Variants in PDE8A observed in about 807,000 individuals in gnomAD.
The protein encoded by PDE8A is high affinity cAMP-specific and IBMX-insensitive 3',5'-cyclic phosphodiesterase 8A.
Under a neutral mutation model 105.0 loss-of-function variants are expected in PDE8A, and 59 were observed. That is an observed-to-expected ratio of 0.56 (90% confidence interval 0.46 to 0.70). PDE8A has a LOEUF of 0.70. Among genes scored for constraint, PDE8A ranks in the 30% least tolerant of loss-of-function variants. The probability of loss-of-function intolerance (pLI) is 0.00; values close to 1 mark genes in which losing one functional copy is unlikely to be tolerated. For missense variants in PDE8A, 1,014 were observed against 1,045.9 expected (o/e 0.97, Z 0.42); for synonymous variants, 355 against 371.9 (o/e 0.95, Z 0.52).
At chr15:85,115,667 G>C (rs2082084329) in intron 15 of PDE8A, 180 bp downstream of exon 15, 1 of 549,838 alleles carries the variant, frequency 1.8e-6, no homozygotes, top group Non-Finnish European at 3.2e-6. Flanking sequence ...ATCCTGGCCG[G>C]GAGCGGTGGC....
chr15:85,023,894 A>C (rs1032482279), intron 1 of PDE8A, among the ~76,000 whole-genome samples: 5 of 152,172 alleles, frequency 3.3e-5, no homozygotes, highest in African/African-American at 1.2e-4. Context: ...AACACACTTA[A>C]AAGATGGCAT....
At chr15:85,071,662 A>G (rs954634419) in intron 3 of PDE8A, among the ~76,000 whole-genome samples, 8 of 152,184 alleles carry the variant, frequency 5.3e-5, no homozygotes, top group African/African-American at 1.7e-4. Flanking sequence ...GATGTGATCT[A>G]CCGCCCAGAC....
chr15:85,108,987 T>C, intron 11 of PDE8A, 66 bp from the exon 12 acceptor site: 1 of 1,132,518 alleles, frequency 8.8e-7, no homozygotes, highest in Non-Finnish European at 1.3e-6. Flanking sequence ...AATTTTAGAT[T>C]GGTAACCTTC....
chr15:85,062,312 A>C (rs1435745620), intron 1 of PDE8A, among the ~76,000 whole-genome samples: 1 of 152,170 alleles, frequency 6.6e-6, no homozygotes, highest in Non-Finnish European at 1.5e-5. Context: ...GGATCAGTCT[A>C]ATGTGTAAAC....
intron 5 of PDE8A, among the ~76,000 whole-genome samples, chr15:85,079,001 A>G (rs1200214595): frequency 2.6e-5 from 4 of 152,224 alleles, no homozygotes; most frequent in Non-Finnish European, 5.9e-5. Context: ...GAAATGAACT[A>G]CAACAGAAAT....
chr15:85,100,649 C>T (rs1567285443), intron 11 of PDE8A, among the ~76,000 whole-genome samples: 1 of 152,372 alleles, frequency 6.6e-6, no homozygotes, highest in East Asian at 1.9e-4. Context: ...ATCTGTTCTT[C>T]CCCATAGCTT....
chr15:85,002,992 T>G (rs974778243), intron 1 of PDE8A, among the ~76,000 whole-genome samples: 13 of 152,350 alleles, frequency 8.5e-5, no homozygotes, highest in East Asian at 3.9e-4. Context: ...TATTTCTGTG[T>G]TTTTCATTTT....
At chr15:85,013,218 A>T (rs1272115101) in intron 1 of PDE8A, among the ~76,000 whole-genome samples, 3 of 152,200 alleles carry the variant, frequency 2.0e-5, no homozygotes, top group African/African-American at 7.2e-5. Flanking sequence ...AGCAACTTTG[A>T]TCCTGATGGG....
chr15:85,065,734 G>A (rs921688285), intron 2 of PDE8A, among the ~76,000 whole-genome samples: 4 of 152,210 alleles, frequency 2.6e-5, no homozygotes, highest in Non-Finnish European at 5.9e-5. Context: ...TACCACTGTT[G>A]CCCCATTTTC....
intron 11 of PDE8A, among the ~76,000 whole-genome samples, chr15:85,104,254 GA>G (rs1162436015): frequency 6.6e-6 from 1 of 152,170 alleles, no homozygotes; most frequent in Non-Finnish European, 1.5e-5. Flanking sequence ...CCACACTGGA[GA>G]AAAGCTGGGG....
intron 8 of PDE8A, among the ~76,000 whole-genome samples, chr15:85,095,930 G>A (rs1040068735): frequency 4.0e-5 from 6 of 150,150 alleles, no homozygotes; most frequent in Admixed American, 1.3e-4. Flanking sequence ...ACGGAGTCTC[G>A]CTCTGTCACC....
chr15:85,108,927 G>T, intron 11 of PDE8A, 126 bp from the exon 12 acceptor site: 1 of 640,760 alleles, frequency 1.6e-6, no homozygotes, highest in Non-Finnish European at 2.8e-6. Context: ...TCTCTGTACT[G>T]TGTTTACTTT....
chr15:85,035,282 C>T (rs2080686365), intron 1 of PDE8A, among the ~76,000 whole-genome samples: 1 of 145,672 alleles, frequency 6.9e-6, no homozygotes, highest in Non-Finnish European at 1.5e-5. Flanking sequence ...AATCTCAGCT[C>T]ACTGCAACCT....
chr15:84,998,205 A>G (rs2080010780), intron 1 of PDE8A, among the ~76,000 whole-genome samples: 1 of 152,190 alleles, frequency 6.6e-6, no homozygotes, highest in Non-Finnish European at 1.5e-5. Context: ...ACCCTAAGGC[A>G]GTTGTGAGAC....
At chr15:85,111,340 T>A (rs181276317) in intron 12 of PDE8A, among the ~76,000 whole-genome samples, 8 of 152,314 alleles carry the variant, frequency 5.3e-5, no homozygotes, top group Admixed American at 4.6e-4. Context: ...TCTAGGAGTT[T>A]TATTGTTTTA....
intron 9 of PDE8A, 52 bp downstream of exon 9, chr15:85,098,088 G>T: frequency 9.3e-7 from 1 of 1,073,830 alleles, no homozygotes; most frequent in Non-Finnish European, 1.4e-6. Flanking sequence ...TTGGGTTATT[G>T]CAGAATTTGC....
chr15:85,094,268 A>G (rs2081702771), intron 8 of PDE8A, among the ~76,000 whole-genome samples: 8 of 152,092 alleles, frequency 5.3e-5, no homozygotes, highest in Admixed American at 4.6e-4. Flanking sequence ...GATGCCTAAG[A>G]TGATGATGTG....
At chr15:85,052,641 A>G (rs959453305) in intron 1 of PDE8A, among the ~76,000 whole-genome samples, 29 of 152,196 alleles carry the variant, frequency 1.9e-4, no homozygotes, top group Non-Finnish European at 4.1e-4. Flanking sequence ...GTGTCTGTTC[A>G]TATCCTTTGC....
Position 84,982,160 on chromosome 15 carries a change from A to G in PDE8A, c.-3A>G, listed in dbSNP as rs763668292. Reference sequence around the variant, plus strand: ...CCAGCGTGTCCGCGGCGCCGCCGCCAGCATGGGCTGTGCCCCGAGCATCCA... The same window carrying G: ...CCAGCGTGTCCGCGGCGCCGCCGCCGGCATGGGCTGTGCCCCGAGCATCCA... On this transcript the variant is annotated 5_prime_UTR_variant, in exon 1 of 22. Transcript: ENST00000394553. 1.5e-5 allele frequency: 21 copies of G among 1,399,744 alleles called. No homozygotes were observed. Among genetic ancestry groups the G allele is most frequent in the Non-Finnish European group, 1.9e-5 (21 of 1,080,288 alleles). The allele number at this position is 1,399,744 out of a possible 1,614,324, so 86.7% of individuals were successfully genotyped here. A position where few individuals can be genotyped will look rare whatever the true frequency, so the allele number is the denominator to read the frequency against.
Sources: allele counts gnomAD v4.1 joint callset (sites outside exome capture counted in the v4.1 genomes callset), GRCh38; gene constraint gnomAD v4.1.1; transcripts MANE v1.5; gene names NCBI Gene and HGNC (gene_info 2026-07-23, HGNC 2026-07-21).